Variants in FGGY observed in about 807,000 individuals in gnomAD.
FGGY encodes FGGY carbohydrate kinase domain containing, also known as FGGY carbohydrate kinase domain-containing protein.
A neutral mutation model predicts 71.3 loss-of-function variants in FGGY; 72 were observed. The ratio of observed to expected loss-of-function variants is 1.01; its 90% confidence interval spans 0.84 to 1.23. The LOEUF (loss-of-function observed/expected upper bound fraction) is 1.23. Among genes scored for constraint, FGGY ranks in the 50% most tolerant of loss-of-function variants. The pLI, the probability that FGGY is intolerant of heterozygous loss-of-function variation, is 0.00. For synonymous variants in FGGY, 251 were observed against 250.3 expected, an observed-to-expected ratio of 1.00 and a Z score of -0.02; for missense variants, 668 against 682.3, an observed-to-expected ratio of 0.98 and a Z score of 0.23.
intron 3 of FGGY, among the ~76,000 whole-genome samples, chr1:59,343,684 A>C (rs549108680): frequency 6.6e-6 from 1 of 152,322 alleles, no homozygotes; most frequent in African/African-American, 2.4e-5. Flanking sequence ...GATTAAATGA[A>C]CTTTCAGTTT....
intron 7 of FGGY, among the ~76,000 whole-genome samples, chr1:59,533,121 G>A (rs185833273): frequency 7.0e-6 from 1 of 143,258 alleles, no homozygotes; most frequent in African/African-American, 3.0e-5. Flanking sequence ...GGGAGTGCCA[G>A]TCAGTGGGCG....
At chr1:59,638,513 C>T in intron 11 of FGGY, 138 bp downstream of exon 11, 5 of 943,132 alleles carry the variant, frequency 5.3e-6, no homozygotes, top group Non-Finnish European at 7.8e-6. Context: ...AGATGCATTG[C>T]TGTTGCTGCT....
At chr1:59,578,809 C>G (rs866119001) in intron 8 of FGGY, among the ~76,000 whole-genome samples, 1 of 152,082 alleles carries the variant, frequency 6.6e-6, no homozygotes, top group Non-Finnish European at 1.5e-5. Context: ...GGGTTGTCCT[C>G]TCGTCCCTCT....
intron 10 of FGGY, among the ~76,000 whole-genome samples, chr1:59,637,859 A>G (rs952738470): frequency 6.6e-6 from 1 of 152,212 alleles, no homozygotes; most frequent in Non-Finnish European, 1.5e-5. Flanking sequence ...GCGCCTTCAC[A>G]TACATAATCT....
At chr1:59,691,664 A>G (rs1389898993) in intron 14 of FGGY, among the ~76,000 whole-genome samples, 20 of 87,320 alleles carry the variant, frequency 2.3e-4, no homozygotes, top group Admixed American at 2.0e-3. Context: ...TTTTAACTGT[A>G]TGTTTCAAAG....
intron 6 of FGGY, among the ~76,000 whole-genome samples, chr1:59,488,059 A>G (rs1244385912): frequency 3.3e-5 from 5 of 152,300 alleles, no homozygotes; most frequent in East Asian, 1.9e-4. Flanking sequence ...CATGCCGTAT[A>G]TGCCAGTGTG....
chr1:59,488,469 T>C (rs2093721814), intron 6 of FGGY, among the ~76,000 whole-genome samples: 1 of 149,460 alleles, frequency 6.7e-6, no homozygotes, highest in Admixed American at 6.7e-5. Context: ...ATATTTTCTG[T>C]CTTTTTGATG....
At chr1:59,502,302 G>A (rs1347973916) in intron 6 of FGGY, among the ~76,000 whole-genome samples, 1 of 152,174 alleles carries the variant, frequency 6.6e-6, no homozygotes, top group East Asian at 1.9e-4. Context: ...AAGCACAAGG[G>A]AAAAAGCCAT....
chr1:59,384,651 G>A (rs1247782710), intron 5 of FGGY, among the ~76,000 whole-genome samples: 1 of 152,066 alleles, frequency 6.6e-6, no homozygotes, highest in Non-Finnish European at 1.5e-5. Flanking sequence ...TGGTCAGACT[G>A]ATCTGGTTTC....
At chr1:59,429,300 T>C (rs1325505810) in intron 5 of FGGY, among the ~76,000 whole-genome samples, 2 of 152,008 alleles carry the variant, frequency 1.3e-5, no homozygotes, top group Non-Finnish European at 2.9e-5. Flanking sequence ...TAAATATACA[T>C]GAGGAGATTT....
chr1:59,662,008 C>T (rs1187654587), intron 12 of FGGY, among the ~76,000 whole-genome samples: 31 of 146,318 alleles, frequency 2.1e-4, no homozygotes, highest in African/African-American at 7.2e-4. Flanking sequence ...CATGAGCCAC[C>T]GCACCTGGCC....
chr1:59,414,061 G>C (rs925425817), intron 5 of FGGY, among the ~76,000 whole-genome samples: 1 of 152,226 alleles, frequency 6.6e-6, no homozygotes, highest in South Asian at 2.1e-4. Context: ...ATAACTAACT[G>C]TATTAAAATA....
intron 4 of FGGY, among the ~76,000 whole-genome samples, chr1:59,374,326 G>C (rs12123570): frequency 6.6e-6 from 1 of 152,204 alleles, no homozygotes. Context: ...CTGGCCATCA[G>C]AGAAATGCAA....
At chr1:59,626,287 C>T (rs1287726538) in intron 10 of FGGY, 1 of 412,302 alleles carries the variant, frequency 2.4e-6, no homozygotes, top group Non-Finnish European at 4.4e-6. Context: ...AGATAAGAAA[C>T]TCTGATGTAG....
chr1:59,436,865 T>A (rs2068591911), intron 5 of FGGY, among the ~76,000 whole-genome samples: 2 of 152,158 alleles, frequency 1.3e-5, no homozygotes, highest in Admixed American at 1.3e-4. Flanking sequence ...TCGGGGGTGA[T>A]CTTTGTTTAC....
intron 7 of FGGY, among the ~76,000 whole-genome samples, chr1:59,543,363 G>A (rs1200522303): frequency 1.3e-5 from 2 of 151,994 alleles, no homozygotes; most frequent in Non-Finnish European, 2.9e-5. Context: ...GGCAGGCGAG[G>A]GATAGAATCA....
chr1:59,637,609 A>G (rs1558630432), intron 10 of FGGY, among the ~76,000 whole-genome samples: 1 of 152,226 alleles, frequency 6.6e-6, no homozygotes, highest in Non-Finnish European at 1.5e-5. Flanking sequence ...TCTCAAAAAA[A>G]GAAAAAGAAA....
intron 3 of FGGY, among the ~76,000 whole-genome samples, chr1:59,344,646 C>T (rs2153217706): frequency 6.6e-6 from 1 of 152,258 alleles, no homozygotes; most frequent in East Asian, 1.9e-4. Flanking sequence ...ACTCAAGTCC[C>T]TGATGTAAAA....
At position 59,486,440 on chromosome 1, in the gene FGGY, G is replaced by A. The variant is rs138850569; in HGVS notation, c.671-25871G>A. Among the ~76,000 whole-genome samples the A allele has an allele frequency of 9.8e-5, 15 of 152,306 alleles. No homozygotes were observed. The East Asian group carries it at 2.9e-3, about 29-fold the overall frequency. ...TCTAAAGGATTCAGGGACACATGGT[G>A]AGTGCTTTGGTTCATGTTGGTTGTG... On this transcript the variant is annotated intron_variant, in intron 6 of 15. Transcript: ENST00000303721.
Sources: gnomAD v4.1 joint callset for allele counts (sites outside exome capture counted in the v4.1 genomes callset) on GRCh38, gnomAD v4.1.1 for gene constraint, MANE v1.5 for transcripts, NCBI Gene and HGNC (gene_info 2026-07-23, HGNC 2026-07-21) for gene names.